The following TLN2 variants were observed in gnomAD, a reference collection of about 807,000 sequenced individuals.
TLN2 encodes the protein talin-2.
Under a neutral mutation model 294.7 loss-of-function variants are expected in TLN2, and 118 were observed. The ratio of observed to expected loss-of-function variants is 0.40; its 90% CI spans 0.34 to 0.47. TLN2 has a LOEUF of 0.47. Ranked by LOEUF, TLN2 falls within the 20% of genes least tolerant of loss-of-function variation. The probability of loss-of-function intolerance (pLI) is 0.84; values close to 1 mark genes in which losing one functional copy is unlikely to be tolerated. For synonymous variants in TLN2, 1,431 were observed against 1,304.5 expected (o/e 1.10, Z -2.09); for missense variants, 3,083 against 3,282.2 (o/e 0.94, Z 1.48).
At chr15:62,481,023 A>G (rs143556752) in intron 1 of TLN2, among the ~76,000 whole-genome samples, 140 of 152,282 alleles carry the variant, frequency 9.2e-4, no homozygotes, top group Non-Finnish European at 1.7e-3. Context: ...CTGAGTACCC[A>G]TGCTTAACCC....
intron 22 of TLN2, among the ~76,000 whole-genome samples, chr15:62,714,727 C>T (rs549559709): frequency 2.6e-5 from 4 of 152,150 alleles, no homozygotes; most frequent in African/African-American, 9.6e-5. Flanking sequence ...AAAGAACACG[C>T]AATGGTTAGA....
At chr15:62,825,774 AT>A (rs1567686506) in intron 54 of TLN2, among the ~76,000 whole-genome samples, 2 of 27,114 alleles carry the variant, frequency 7.4e-5, no homozygotes, top group African/African-American at 1.1e-4. Context: ...TATATATTAT[AT>A]AATATATTAT....
chr15:62,567,522 G>T (rs371258165), intron 1 of TLN2, among the ~76,000 whole-genome samples: 1 of 152,324 alleles, frequency 6.6e-6, no homozygotes, highest in South Asian at 2.1e-4. Flanking sequence ...CCCCCAAGGC[G>T]ATGGCATTGC....
At chr15:62,646,660 G>T (rs181061587) in intron 3 of TLN2, among the ~76,000 whole-genome samples, 1 of 152,194 alleles carries the variant, frequency 6.6e-6, no homozygotes, top group Non-Finnish European at 1.5e-5. Context: ...TTTATGCACT[G>T]TGCAGGGCTG....
At chr15:62,535,006 C>G (rs575643373) in intron 1 of TLN2, among the ~76,000 whole-genome samples, 2 of 152,182 alleles carry the variant, frequency 1.3e-5, no homozygotes, top group African/African-American at 4.8e-5. Flanking sequence ...TGCCTAAGCT[C>G]TGTGAGGGCA....
At chr15:62,461,009 C>T (rs1339428354) in intron 1 of TLN2, among the ~76,000 whole-genome samples, 2 of 152,158 alleles carry the variant, frequency 1.3e-5, no homozygotes, top group Non-Finnish European at 1.5e-5. Context: ...AGTACAGTGG[C>T]GCAATCTCAG....
At chr15:62,560,398 T>G (rs2042858122) in intron 1 of TLN2, among the ~76,000 whole-genome samples, 1 of 152,052 alleles carries the variant, frequency 6.6e-6, no homozygotes, top group African/African-American at 2.4e-5. Flanking sequence ...GGTGGAGTCT[T>G]GGGGTATGGA....
intron 1 of TLN2, among the ~76,000 whole-genome samples, chr15:62,438,400 A>G (rs1410319685): frequency 6.6e-6 from 1 of 152,186 alleles, no homozygotes; most frequent in African/African-American, 2.4e-5. Context: ...TTTCCTATCC[A>G]AATTCCAGTC....
intron 1 of TLN2, among the ~76,000 whole-genome samples, chr15:62,413,042 G>A (rs1033571586): frequency 7.9e-5 from 12 of 152,140 alleles, no homozygotes; most frequent in Admixed American, 7.9e-4. Context: ...AAGAGGGAGC[G>A]ATGTGCCCTC....
rs560450451 is a variant in TLN2 at position 62,708,803 on chromosome 15, C to A, written c.2467+7C>A. The A allele has an allele frequency of 6.2e-4, 983 of 1,595,656 alleles. 10 individuals are homozygous for A. In the South Asian group the frequency reaches 0.01, roughly 17 times the overall value. ...AGCTCCATGGGTGACGCTGGTAAGGCACTGTGCTGTGGGTGGGTGGATGGG... is the reference window on the plus strand; with the variant it reads ...AGCTCCATGGGTGACGCTGGTAAGGAACTGTGCTGTGGGTGGGTGGATGGG... On this transcript the variant is annotated splice_region_variant and intron_variant, in intron 21 of 58. Coordinates refer to ENST00000636159, the MANE Select transcript of TLN2 (RefSeq NM_015059.3).
chr15:62,830,742 C>G (rs1235248976), intron 54 of TLN2: 2 of 152,174 alleles, frequency 1.3e-5, no homozygotes, highest in African/African-American at 4.8e-5. Context: ...AATAGGGACA[C>G]AGCAGTCAGA....
intron 45 of TLN2, among the ~76,000 whole-genome samples, chr15:62,789,238 A>G (rs924170246): frequency 1.3e-5 from 2 of 152,144 alleles, no homozygotes; most frequent in African/African-American, 4.8e-5. Flanking sequence ...AGGTACCTAG[A>G]TGACAGTTGC....
intron 1 of TLN2, among the ~76,000 whole-genome samples, chr15:62,541,485 C>CCTTCTT (rs1383887495): frequency 1.4e-4 from 22 of 152,252 alleles, no homozygotes; most frequent in African/African-American, 5.1e-4. Flanking sequence ...AAGGACACTG[C>CCTTCTT]CTGTGTATCT....
At chr15:62,832,105 G>A (rs1236522797) in intron 54 of TLN2, 2 of 72,908 alleles carry the variant, frequency 2.7e-5, no homozygotes, top group East Asian at 5.4e-4. Context: ...TCCAATATAC[G>A]ATCTTTTTTT....
chr15:62,492,108 A>G (rs1422329416), intron 1 of TLN2, among the ~76,000 whole-genome samples: 4 of 152,000 alleles, frequency 2.6e-5, no homozygotes, highest in African/African-American at 9.7e-5. Flanking sequence ...TTTATTATAT[A>G]AATAATATAT....
At chr15:62,594,932 AAG>A (rs1202557892) in intron 2 of TLN2, among the ~76,000 whole-genome samples, 2 of 152,232 alleles carry the variant, frequency 1.3e-5, no homozygotes, top group African/African-American at 4.8e-5. Context: ...AAAATATATG[AAG>A]AACTCAAACA....
intron 15 of TLN2, 30 bp from the exon 16 acceptor site, chr15:62,698,724 A>G (rs2058525189): frequency 6.3e-7 from 1 of 1,585,268 alleles, no homozygotes; most frequent in Non-Finnish European, 8.6e-7. Context: ...GGCGTGTGGG[A>G]TGACAGCTTT....
intron 1 of TLN2, among the ~76,000 whole-genome samples, chr15:62,546,185 C>CGG (rs966069228): frequency 1.3e-5 from 2 of 152,154 alleles, no homozygotes; most frequent in African/African-American, 4.8e-5. Context: ...CTACCTCTGA[C>CGG]GGGGGCTCTT....
intron 19 of TLN2, among the ~76,000 whole-genome samples, chr15:62,703,667 A>AATT (rs886410830): frequency 2.4e-4 from 37 of 151,640 alleles, no homozygotes; most frequent in Non-Finnish European, 1.9e-4. Flanking sequence ...AGAGAGAGAG[A>AATT]ATTTCCTTTG....
Sources: allele counts gnomAD v4.1 joint callset (sites outside exome capture counted in the v4.1 genomes callset), GRCh38; gene constraint gnomAD v4.1.1; transcripts MANE v1.5; gene names NCBI Gene and HGNC (gene_info 2026-07-23, HGNC 2026-07-21).